Variants in TCF4 observed in about 807,000 individuals in gnomAD.
The protein encoded by TCF4 is SL3-3 enhancer factor 2.
A neutral mutation model predicts 82.1 loss-of-function variants in TCF4; 3 were observed. The ratio of observed to expected loss-of-function variants is 0.04; its 90% CI spans 0.02 to 0.09. The LOEUF is 0.09. Among genes scored for constraint, TCF4 ranks in the 10% least tolerant of loss-of-function variants. The probability of loss-of-function intolerance (pLI) is 1.00; values close to 1 mark genes in which losing one functional copy is unlikely to be tolerated. For synonymous variants in TCF4, 276 were observed against 309.6 expected, an observed-to-expected ratio of 0.89 and a Z score of 1.14; for missense variants, 518 against 852.7, an observed-to-expected ratio of 0.61 and a Z score of 4.89.
chr18:55,457,449 A>C (rs1359089018), intron 5 of TCF4, among the ~76,000 whole-genome samples: 1 of 152,224 alleles, frequency 6.6e-6, no homozygotes, highest in Non-Finnish European at 1.5e-5. Context: ...TTTTCCACAC[A>C]CACAAGATTA....
At chr18:55,454,930 T>TA (rs1232877686) in intron 5 of TCF4, among the ~76,000 whole-genome samples, 1 of 152,160 alleles carries the variant, frequency 6.6e-6, no homozygotes, top group African/African-American at 2.4e-5. Context: ...CTCACGCCTG[T>TA]AATCCCAGGG....
chr18:55,625,792 T>C (rs747314828), intron 2 of TCF4, among the ~76,000 whole-genome samples: 20 of 152,202 alleles, frequency 1.3e-4, no homozygotes, highest in African/African-American at 3.4e-4. Flanking sequence ...TTTTAAAAAA[T>C]AGAAGAAAGG....
chr18:55,548,152 T>G (rs1603620969), intron 3 of TCF4, among the ~76,000 whole-genome samples: 1 of 152,252 alleles, frequency 6.6e-6, no homozygotes, highest in Admixed American at 6.5e-5. Context: ...AATGATTTGC[T>G]GGGCATATTG....
chr18:55,322,107 T>TCC, intron 8 of TCF4: 1 of 576,202 alleles, frequency 1.7e-6, no homozygotes, highest in Non-Finnish European at 2.1e-6. Flanking sequence ...TTTTTTTCCT[T>TCC]TTTTTTTTTT....
intron 15 of TCF4, among the ~76,000 whole-genome samples, chr18:55,245,875 A>G (rs2052961780): frequency 6.6e-6 from 1 of 151,168 alleles, no homozygotes; most frequent in African/African-American, 2.4e-5. Flanking sequence ...AAGGCCTGTA[A>G]GATCAGATAC....
chr18:55,465,943 T>C (rs957417210), intron 3 of TCF4, among the ~76,000 whole-genome samples: 1 of 152,114 alleles, frequency 6.6e-6, no homozygotes, highest in Admixed American at 6.6e-5. Context: ...TACCATAAGA[T>C]TTCAAATTGT....
chr18:55,473,145 G>A (rs1259618712), intron 3 of TCF4, among the ~76,000 whole-genome samples: 2 of 152,070 alleles, frequency 1.3e-5, no homozygotes, highest in African/African-American at 4.8e-5. Flanking sequence ...ATTTATTCTT[G>A]GGAGAGGTTA....
At chr18:55,569,955 T>C (rs1341015135) in intron 3 of TCF4, among the ~76,000 whole-genome samples, 2 of 152,124 alleles carry the variant, frequency 1.3e-5, no homozygotes, top group African/African-American at 4.8e-5. Flanking sequence ...AAGTCAAATG[T>C]GTACATATGG....
intron 3 of TCF4, chr18:55,482,010 T>G (rs1217221223): frequency 6.6e-6 from 1 of 152,180 alleles, no homozygotes; most frequent in African/African-American, 2.4e-5. Context: ...ATAATGACTG[T>G]TGTCAACAGC....
At chr18:55,632,456 GT>G (rs552610912) in intron 1 of TCF4, among the ~76,000 whole-genome samples, 200 of 152,332 alleles carry the variant, frequency 1.3e-3, no homozygotes, top group African/African-American at 4.3e-3. Context: ...AGACGATGGA[GT>G]TTTTTGAGAG....
intron 3 of TCF4, among the ~76,000 whole-genome samples, chr18:55,481,235 A>G (rs750172830): frequency 3.3e-5 from 5 of 152,132 alleles, no homozygotes; most frequent in Non-Finnish European, 5.9e-5. Flanking sequence ...ATTTTGTAAC[A>G]CACTGGTAAC....
intron 6 of TCF4, among the ~76,000 whole-genome samples, chr18:55,387,893 G>A (rs966566821): frequency 6.6e-6 from 1 of 152,140 alleles, no homozygotes; most frequent in Non-Finnish European, 1.5e-5. Flanking sequence ...GACATCAAAG[G>A]AAAACTTCCG....
intron 8 of TCF4, among the ~76,000 whole-genome samples, chr18:55,301,823 A>T (rs1204982192): frequency 3.9e-4 from 35 of 89,558 alleles, no homozygotes; most frequent in East Asian, 6.6e-4. Context: ...GTGGGGGGGG[A>T]TTCGGGTGGG....
intron 6 of TCF4, among the ~76,000 whole-genome samples, chr18:55,360,275 C>G (rs973865144): frequency 6.6e-6 from 1 of 152,170 alleles, no homozygotes. Context: ...TGACAATAGG[C>G]TGGGTCAGCT....
intron 3 of TCF4, among the ~76,000 whole-genome samples, chr18:55,473,290 C>T (rs8091479): frequency 1.3e-4 from 20 of 152,100 alleles, no homozygotes; most frequent in African/African-American, 4.6e-4. Context: ...GCTGTAATTG[C>T]TCTGCCTAAC....
chr18:55,447,343 G>A (rs2095544278), intron 5 of TCF4, among the ~76,000 whole-genome samples: 1 of 152,120 alleles, frequency 6.6e-6, no homozygotes, highest in Non-Finnish European at 1.5e-5. Context: ...GCTGATGGTG[G>A]AGTATCCCTG....
At chr18:55,614,162 G>A (rs937286772) in intron 2 of TCF4, among the ~76,000 whole-genome samples, 3 of 152,112 alleles carry the variant, frequency 2.0e-5, no homozygotes, top group South Asian at 2.1e-4. Flanking sequence ...TCCAATGTGC[G>A]GGGACTACAA....
intron 8 of TCF4, among the ~76,000 whole-genome samples, chr18:55,281,920 G>A (rs935837927): frequency 2.6e-5 from 4 of 151,778 alleles, no homozygotes; most frequent in Admixed American, 1.3e-4. Context: ...AATGTTTTTA[G>A]GATATATTAT....
intron 8 of TCF4, among the ~76,000 whole-genome samples, chr18:55,323,447 ACT>A (rs1471879960): frequency 2.0e-5 from 3 of 152,144 alleles, no homozygotes; most frequent in South Asian, 4.2e-4. Context: ...AAGTTTCCCC[ACT>A]CTCTAAAATA....
Sources: gnomAD v4.1 joint callset for allele counts (sites outside exome capture counted in the v4.1 genomes callset) on GRCh38, gnomAD v4.1.1 for gene constraint, MANE v1.5 for transcripts, NCBI Gene and HGNC (gene_info 2026-07-23, HGNC 2026-07-21) for gene names.